Variants in GRM3 observed in about 807,000 individuals in gnomAD.
GRM3 encodes the protein metabotropic glutamate receptor 3.
GRM3 carries 26 observed loss-of-function variants against 70.5 expected under a neutral mutation model. The observed-to-expected ratio is 0.37, with a 90% CI of 0.27 to 0.51. The LOEUF (loss-of-function observed/expected upper bound fraction) is 0.51, where lower values mean the gene tolerates loss of function less well. GRM3 is among the 20% of genes least tolerant of loss of function. The pLI is 0.93. For missense variants in GRM3, 859 were observed against 1,123.8 expected, an observed-to-expected ratio of 0.76 and a Z score of 3.37; for synonymous variants, 443 against 434.9, an observed-to-expected ratio of 1.02 and a Z score of -0.23.
intron 1 of GRM3, among the ~76,000 whole-genome samples, chr7:86,646,024 A>T (rs1312350334): frequency 8.9e-5 from 3 of 33,842 alleles, no homozygotes; most frequent in Admixed American, 3.6e-4. Context: ...GGTGGGAGGG[A>T]GTTTAGGGGG....
intron 1 of GRM3, among the ~76,000 whole-genome samples, chr7:86,717,089 G>C (rs568656021): frequency 3.9e-5 from 6 of 151,988 alleles, no homozygotes; most frequent in African/African-American, 1.4e-4. Flanking sequence ...GTGAGCCAAA[G>C]AATGTTCAAA....
chr7:86,684,260 A>G (rs1037835854), intron 1 of GRM3, among the ~76,000 whole-genome samples: 14 of 152,272 alleles, frequency 9.2e-5, no homozygotes, highest in African/African-American at 3.1e-4. Context: ...CAAATTATGA[A>G]TGTCCACTAA....
chr7:86,746,943 G>A (rs1017303102), intron 1 of GRM3, among the ~76,000 whole-genome samples: 2 of 152,098 alleles, frequency 1.3e-5, no homozygotes, highest in African/African-American at 4.8e-5. Context: ...ACACCTTTCA[G>A]TATGGACAAC....
At position 86,762,400 on chromosome 7, in the gene GRM3, G is replaced by A. The variant is rs1584222330; in HGVS notation, c.-140-2606G>A. Among the ~76,000 whole-genome samples the A allele has an allele frequency of 2.6e-5, 4 of 152,102 alleles. No individual in the cohort carries two copies. The South Asian group carries it at 6.2e-4, about 24-fold the overall frequency. On this transcript the variant is annotated intron_variant, in intron 1 of 5. Coordinates refer to ENST00000361669, the MANE Select transcript of GRM3 (RefSeq NM_000840.3). ...GGCTCAGGAAAACAGCCCATCATTC[G>A]CTGCATGTGAAAGGAACAGAAAGTA... is the stretch of plus-strand genomic sequence containing the variant.
At chr7:86,656,666 C>A (rs2115812153) in intron 1 of GRM3, among the ~76,000 whole-genome samples, 1 of 151,982 alleles carries the variant, frequency 6.6e-6, no homozygotes, top group East Asian at 1.9e-4. Flanking sequence ...GCTTAGATAC[C>A]TGTTGTTTTC....
At chr7:86,685,371 A>G (rs1346646037) in intron 1 of GRM3, among the ~76,000 whole-genome samples, 1 of 152,242 alleles carries the variant, frequency 6.6e-6, no homozygotes, top group East Asian at 1.9e-4. Flanking sequence ...AAATAAGTCT[A>G]TGTAGACAAG....
chr7:86,745,692 T>C lies in GRM3; in HGVS notation c.-140-19314T>C, dbSNP rs555822359. ...GGATTATGCTATATTATCATTATAG[T>C]AAAATGTATACATGCCTAATTTTTC... is the stretch of plus-strand genomic sequence containing the variant. On this transcript the variant is annotated intron_variant, in intron 1 of 5. Transcript: ENST00000361669. 8.7e-4 allele frequency among the ~76,000 whole-genome samples: 132 copies of C among 152,252 alleles called. 1 individual carries two copies. Among genetic ancestry groups the C allele is most frequent in the African/African-American group, 3.1e-3 (129 of 41,568 alleles).
intron 1 of GRM3, among the ~76,000 whole-genome samples, chr7:86,652,638 T>C (rs1158372113): frequency 6.6e-6 from 1 of 152,190 alleles, no homozygotes; most frequent in African/African-American, 2.4e-5. Flanking sequence ...CAGTAGCCGA[T>C]AGTATTAGGT....
chr7:86,708,150 A>T (rs1795102613), intron 1 of GRM3, among the ~76,000 whole-genome samples: 1 of 152,136 alleles, frequency 6.6e-6, no homozygotes, highest in Admixed American at 6.6e-5. Flanking sequence ...CCAAGAAAGG[A>T]AAACTTTCAA....
chr7:86,795,956 T>C (rs1239202593), intron 3 of GRM3, among the ~76,000 whole-genome samples: 1 of 152,226 alleles, frequency 6.6e-6, no homozygotes, highest in Non-Finnish European at 1.5e-5. Context: ...TTAAGTTCCT[T>C]GTAGATTCTG....
intron 3 of GRM3, among the ~76,000 whole-genome samples, chr7:86,833,933 A>G (rs961871230): frequency 1.3e-5 from 2 of 152,232 alleles, no homozygotes; most frequent in African/African-American, 4.8e-5. Flanking sequence ...ACATTAACAA[A>G]ACAAATTTAG....
intron 1 of GRM3, among the ~76,000 whole-genome samples, chr7:86,672,510 A>G (rs1038671413): frequency 1.3e-5 from 2 of 152,134 alleles, no homozygotes; most frequent in Admixed American, 6.6e-5. Context: ...CAATAAGGGC[A>G]TCTATAGTTT....
intron 1 of GRM3, among the ~76,000 whole-genome samples, chr7:86,734,837 A>T (rs761152674): frequency 2.6e-5 from 4 of 151,984 alleles, no homozygotes; most frequent in Non-Finnish European, 5.9e-5. Flanking sequence ...CATCACATAC[A>T]CCAGCTTAGT....
At chr7:86,705,041 T>C (rs1191988049) in intron 1 of GRM3, among the ~76,000 whole-genome samples, 1 of 151,944 alleles carries the variant, frequency 6.6e-6, no homozygotes, top group East Asian at 1.9e-4. Flanking sequence ...CTTCCCTTTA[T>C]ATAGCATTTT....
chr7:86,657,699 CAG>C (rs1328515988), intron 1 of GRM3, among the ~76,000 whole-genome samples: 1 of 151,934 alleles, frequency 6.6e-6, no homozygotes, highest in Non-Finnish European at 1.5e-5. Context: ...GTTTGGGAGG[CAG>C]AGAGATGAGT....
intron 3 of GRM3, among the ~76,000 whole-genome samples, chr7:86,827,467 T>C (rs1477637142): frequency 6.6e-6 from 1 of 151,926 alleles, no homozygotes; most frequent in Non-Finnish European, 1.5e-5. Flanking sequence ...ACAACACATA[T>C]ATCTGAAAAG....
chr7:86,703,725 G>C (rs1794995565), intron 1 of GRM3, among the ~76,000 whole-genome samples: 1 of 151,900 alleles, frequency 6.6e-6, no homozygotes, highest in African/African-American at 2.4e-5. Flanking sequence ...AAAAAGAAAT[G>C]GAAAGTTGAC....
intron 2 of GRM3, among the ~76,000 whole-genome samples, chr7:86,772,500 G>A (rs17697415): frequency 0.054 from 8,269 of 152,158 alleles, 327 homozygotes; most frequent in Middle Eastern, 0.12. Flanking sequence ...TGATTTGAGA[G>A]CAGCTCTAGG....
At chr7:86,818,210 A>G (rs1419648558) in intron 3 of GRM3, among the ~76,000 whole-genome samples, 1 of 152,060 alleles carries the variant, frequency 6.6e-6, no homozygotes, top group Non-Finnish European at 1.5e-5. Flanking sequence ...TATGCTTAGT[A>G]TGTGCCTCTT....
Sources: gnomAD v4.1 joint callset for allele counts (sites outside exome capture counted in the v4.1 genomes callset) on GRCh38, gnomAD v4.1.1 for gene constraint, MANE v1.5 for transcripts, NCBI Gene and HGNC (gene_info 2026-07-23, HGNC 2026-07-21) for gene names.